Variants in TAFA5 observed in about 807,000 individuals in gnomAD.
The protein encoded by TAFA5 is chemokine-like protein TAFA-5.
TAFA5 carries 6 observed loss-of-function variants against 15.3 expected under a neutral mutation model. The observed-to-expected ratio is 0.39, with a 90% CI of 0.21 to 0.77. The LOEUF is 0.77. TAFA5 is among the 30% of genes least tolerant of loss of function. TAFA5 has a pLI of 0.41. For synonymous variants in TAFA5, 103 were observed against 80.7 expected (o/e 1.28, Z -1.48); for missense variants, 161 against 193.1 (o/e 0.83, Z 0.98).
intron 3 of TAFA5, among the ~76,000 whole-genome samples, chr22:48,711,831 C>T (rs997738682): frequency 2.6e-5 from 4 of 152,178 alleles, no homozygotes; most frequent in African/African-American, 7.2e-5. Flanking sequence ...GCCACCATCG[C>T]GCCGATCCCC....
At chr22:48,509,034 C>T (rs1261309504) in intron 1 of TAFA5, among the ~76,000 whole-genome samples, 2 of 152,306 alleles carry the variant, frequency 1.3e-5, no homozygotes, top group South Asian at 2.1e-4. Context: ...TATTTTTTAG[C>T]TCTTACGTAT....
chr22:48,526,206 CTCTT>C (rs1921776617), intron 1 of TAFA5, among the ~76,000 whole-genome samples: 1 of 152,212 alleles, frequency 6.6e-6, no homozygotes, highest in Non-Finnish European at 1.5e-5. Context: ...GCCTCATTCT[CTCTT>C]TGTCTACCCT....
chr22:48,561,467 G>A (rs1923227242), intron 1 of TAFA5, among the ~76,000 whole-genome samples: 1 of 152,252 alleles, frequency 6.6e-6, no homozygotes, highest in African/African-American at 2.4e-5. Flanking sequence ...TTCCAGCCTC[G>A]TTTCGTGGAT....
intron 3 of TAFA5, 72 bp downstream of exon 3, chr22:48,707,916 C>T (rs1157382119): frequency 5.2e-6 from 8 of 1,542,796 alleles, no homozygotes; most frequent in Non-Finnish European, 6.1e-6. Flanking sequence ...CGACGCCACC[C>T]GGGCTCCGCG....
chr22:48,659,047 C>T (rs1050531821), intron 2 of TAFA5, among the ~76,000 whole-genome samples: 9 of 152,238 alleles, frequency 5.9e-5, no homozygotes, highest in Admixed American at 5.9e-4. Context: ...CTCTGGGCAG[C>T]AGAGTCCGGG....
intron 1 of TAFA5, among the ~76,000 whole-genome samples, chr22:48,575,923 G>T (rs995961299): frequency 7.0e-6 from 1 of 142,516 alleles, no homozygotes; most frequent in Non-Finnish European, 1.6e-5. Context: ...GGGCCGGAGC[G>T]AGCGCGGGCG....
intron 2 of TAFA5, among the ~76,000 whole-genome samples, chr22:48,686,847 A>G (rs986465725): frequency 6.7e-5 from 10 of 148,562 alleles, no homozygotes; most frequent in African/African-American, 1.5e-4. Flanking sequence ...GGATGGATGG[A>G]TGGACTAATG....
chr22:48,623,018 C>T (rs1171048553), intron 1 of TAFA5, among the ~76,000 whole-genome samples: 4 of 152,264 alleles, frequency 2.6e-5, no homozygotes, highest in Non-Finnish European at 4.4e-5. Context: ...CTCTTAACTC[C>T]AGACGGCCCT....
chr22:48,665,938 C>T (rs1360929791), intron 2 of TAFA5, among the ~76,000 whole-genome samples: 1 of 152,148 alleles, frequency 6.6e-6, no homozygotes, highest in Non-Finnish European at 1.5e-5. Flanking sequence ...CCCACCTGCC[C>T]CCAACGCCCC....
chr22:48,650,872 C>T (rs888027549), intron 2 of TAFA5, among the ~76,000 whole-genome samples: 3 of 152,186 alleles, frequency 2.0e-5, no homozygotes, highest in African/African-American at 7.2e-5. Flanking sequence ...CTGGCCAGGC[C>T]CTGCTTCTGC....
chr22:48,525,022 C>T (rs1338901969), intron 1 of TAFA5, among the ~76,000 whole-genome samples: 1 of 152,166 alleles, frequency 6.6e-6, no homozygotes, highest in East Asian at 1.9e-4. Context: ...GCCCTGCCCT[C>T]AGCTTTTGTT....
At chr22:48,513,205 T>C (rs550828311) in intron 1 of TAFA5, among the ~76,000 whole-genome samples, 1 of 152,314 alleles carries the variant, frequency 6.6e-6, no homozygotes, top group East Asian at 1.9e-4. Context: ...CAGGAAGTCC[T>C]CACTCCGCAT....
chr22:48,745,639 C>T (rs1027568624), intron 3 of TAFA5, among the ~76,000 whole-genome samples: 12 of 152,248 alleles, frequency 7.9e-5, no homozygotes, highest in African/African-American at 2.9e-4. Flanking sequence ...TCCTAGAATT[C>T]ACTCCGTCTT....
intron 2 of TAFA5, among the ~76,000 whole-genome samples, chr22:48,650,681 T>C (rs1927022215): frequency 6.6e-6 from 1 of 152,188 alleles, no homozygotes; most frequent in African/African-American, 2.4e-5. Flanking sequence ...AGGGCAGGGC[T>C]GTGAGCCTGT....
At chr22:48,601,752 A>C (rs1400022423) in intron 1 of TAFA5, among the ~76,000 whole-genome samples, 3 of 152,194 alleles carry the variant, frequency 2.0e-5, no homozygotes, top group African/African-American at 7.2e-5. Context: ...TGTTCTGCCT[A>C]ACACAAGTGC....
At chr22:48,747,518 G>A (rs1020605956) in intron 3 of TAFA5, among the ~76,000 whole-genome samples, 5 of 152,142 alleles carry the variant, frequency 3.3e-5, no homozygotes, top group East Asian at 1.9e-4. Context: ...CCAGGGGTCC[G>A]TGGAGGTGGC....
intron 1 of TAFA5, among the ~76,000 whole-genome samples, chr22:48,623,164 G>A (rs1409960067): frequency 6.6e-6 from 1 of 152,256 alleles, no homozygotes; most frequent in African/African-American, 2.4e-5. Flanking sequence ...CCTGACGGCG[G>A]TGGGATGGAT....
In TAFA5 at chr22:48,525,675, C is replaced by T. The variant is rs574795642; in HGVS notation, c.112+35971C>T. Among the ~76,000 whole-genome samples, 4 of 152,270 alleles carry T rather than the reference C, an allele frequency of 2.6e-5. No homozygotes were observed. In the South Asian group the frequency reaches 6.2e-4, roughly 24 times the overall value. Reference sequence around the variant, plus strand: ...ATGGTTTCTGATTCAGGGGTCAGGCCGGGGCCCCAGAAGCTGCTGCTGCTG... The same window carrying T: ...ATGGTTTCTGATTCAGGGGTCAGGCTGGGGCCCCAGAAGCTGCTGCTGCTG... On this transcript the variant is annotated intron_variant, in intron 1 of 3. Transcript: ENST00000402357.
At chr22:48,696,137 G>C (rs576324373) in intron 2 of TAFA5, among the ~76,000 whole-genome samples, 1 of 152,342 alleles carries the variant, frequency 6.6e-6, no homozygotes, top group East Asian at 1.9e-4. Context: ...TGCCATGGGA[G>C]AAGTGGCGCA....
Sources: allele counts gnomAD v4.1 joint callset (sites outside exome capture counted in the v4.1 genomes callset), GRCh38; gene constraint gnomAD v4.1.1; transcripts MANE v1.5; gene names NCBI Gene and HGNC (gene_info 2026-07-23, HGNC 2026-07-21).